ARMH3: variants seen among roughly 807,000 people sequenced by gnomAD.
ARMH3 encodes armadillo like helical domain containing 3.
In ARMH3, 60 loss-of-function variants were observed where a neutral mutation model predicts 99.1. The observed-to-expected ratio is 0.61, with a 90% confidence interval of 0.49 to 0.75. The LOEUF (loss-of-function observed/expected upper bound fraction) is 0.75. ARMH3 is among the 30% of genes least tolerant of loss of function. ARMH3 has a pLI of 0.00. For synonymous variants in ARMH3, 285 were observed against 292.8 expected (o/e 0.97, Z 0.27); for missense variants, 679 against 843.1 (o/e 0.81, Z 2.41).
At chr10:102,007,159 C>CAAATAAAA (rs753099368) in intron 13 of ARMH3, among the ~76,000 whole-genome samples, 1 of 60,054 alleles carries the variant, frequency 1.7e-5, no homozygotes, top group African/African-American at 7.1e-5. Flanking sequence ...GACTCTATCT[C>CAAATAAAA]AAAAAAAAAA....
chr10:102,002,145 T>G, intron 14 of ARMH3, 73 bp from the exon 15 acceptor site: 1 of 1,577,966 alleles, frequency 6.3e-7, no homozygotes, highest in Non-Finnish European at 8.6e-7. Flanking sequence ...CATAGCCAAT[T>G]TGCCAGCAGG....
At chr10:101,892,519 G>A (rs1321008305) in intron 23 of ARMH3, among the ~76,000 whole-genome samples, 1 of 152,030 alleles carries the variant, frequency 6.6e-6, no homozygotes, top group Non-Finnish European at 1.5e-5. Context: ...GTATGTATGA[G>A]CTAGCATAAC....
intron 23 of ARMH3, among the ~76,000 whole-genome samples, chr10:101,898,388 A>C (rs2067893402): frequency 6.6e-6 from 1 of 152,088 alleles, no homozygotes; most frequent in African/African-American, 2.4e-5. Flanking sequence ...GAAGAAAAAG[A>C]AAATGTGGAT....
intron 14 of ARMH3, among the ~76,000 whole-genome samples, chr10:102,005,268 A>G (rs771653489): frequency 1.3e-5 from 2 of 151,850 alleles, no homozygotes. Context: ...CTGTAATCTC[A>G]GCTACTCAGA....
At chr10:101,933,301 T>C (rs1843805252) in intron 23 of ARMH3, among the ~76,000 whole-genome samples, 1 of 152,150 alleles carries the variant, frequency 6.6e-6, no homozygotes, top group Non-Finnish European at 1.5e-5. Context: ...AGGATAAGTT[T>C]AGGAGGGGGT....
chr10:101,871,601 T>C (rs1042222306), intron 24 of ARMH3, among the ~76,000 whole-genome samples: 9 of 152,142 alleles, frequency 5.9e-5, no homozygotes, highest in Admixed American at 3.9e-4. Context: ...CATAACTGAA[T>C]ATTTGGCGGG....
intron 8 of ARMH3, among the ~76,000 whole-genome samples, chr10:102,019,694 G>A (rs540708846): frequency 2.0e-5 from 3 of 152,042 alleles, no homozygotes; most frequent in South Asian, 2.1e-4. Flanking sequence ...TTGGGAGGCC[G>A]AGGCGGGCGG....
At chr10:101,900,029 T>A (rs1051563759) in intron 23 of ARMH3, among the ~76,000 whole-genome samples, 2 of 152,312 alleles carry the variant, frequency 1.3e-5, no homozygotes, top group Non-Finnish European at 1.5e-5. Context: ...ATAAAAGGCA[T>A]CATCACTTAA....
At chr10:102,024,818 CAAA>C (rs200581743) in intron 6 of ARMH3, among the ~76,000 whole-genome samples, 2 of 101,294 alleles carry the variant, frequency 2.0e-5, no homozygotes, top group Admixed American at 1.1e-4. Flanking sequence ...GACTCTGTCT[CAAA>C]AAAAAAAAAA....
intron 20 of ARMH3, among the ~76,000 whole-genome samples, chr10:101,967,609 C>T (rs748237053): frequency 4.6e-5 from 7 of 152,034 alleles, no homozygotes; most frequent in Middle Eastern, 3.2e-3. Context: ...TGGTGGTGTG[C>T]GCCTGTATTC....
At chr10:101,899,940 A>G (rs919387178) in intron 23 of ARMH3, among the ~76,000 whole-genome samples, 8 of 152,176 alleles carry the variant, frequency 5.3e-5, no homozygotes, top group African/African-American at 1.9e-4. Context: ...ACTTTACCCA[A>G]TGATCCAATG....
chr10:101,906,329 T>G (rs1842635467), intron 23 of ARMH3, among the ~76,000 whole-genome samples: 1 of 152,230 alleles, frequency 6.6e-6, no homozygotes, highest in Non-Finnish European at 1.5e-5. Context: ...TATTAGCTGT[T>G]GCCAAACTGC....
intron 14 of ARMH3, among the ~76,000 whole-genome samples, chr10:102,005,884 C>T (rs2066472885): frequency 6.6e-6 from 1 of 152,190 alleles, no homozygotes; most frequent in Non-Finnish European, 1.5e-5. Context: ...AATTATAATA[C>T]ACTCAAAGCC....
chr10:102,009,339 G>C (rs777509225), intron 13 of ARMH3, 35 bp downstream of exon 13: 30 of 1,567,386 alleles, frequency 1.9e-5, no homozygotes, highest in Non-Finnish European at 2.6e-5. Context: ...GAAATTTAGA[G>C]AGAAAAAAAC....
At chr10:101,942,193 G>A (rs1041376331) in intron 22 of ARMH3, among the ~76,000 whole-genome samples, 1 of 152,068 alleles carries the variant, frequency 6.6e-6, no homozygotes, top group East Asian at 1.9e-4. Context: ...CATTTATGTA[G>A]TAAATTATAG....
At chr10:101,854,496 G>A (rs1017722024) in intron 24 of ARMH3, among the ~76,000 whole-genome samples, 4 of 152,054 alleles carry the variant, frequency 2.6e-5, no homozygotes, top group African/African-American at 9.7e-5. Context: ...ACAACTTCTG[G>A]GTTCAAGTGG....
chr10:101,991,990 G>A lies in ARMH3; in HGVS notation c.1324C>T (p.Pro442Ser), dbSNP rs775855386. ...TCACCCAGTACTGCACATACTAAAG[G>A]ACGGCAGGGAAGATTCTTGTCTGCT... ...KAADKNLPCR[P>S]LVCAVLDLMV... The change falls in exon 18 of 26, where the codon CCT becomes TCT. Residue 442 changes from proline to serine, a missense_variant. Around this residue, in one of 3 missense-constraint regions of ARMH3, gnomAD observed 389 missense variants for 456.5 expected, o/e 0.85. Transcript: ENST00000370033. 2.5e-6 allele frequency: 4 copies of A among 1,614,044 alleles called. No individual in the cohort carries two copies. The highest frequency in any genetic ancestry group is 3.4e-6 in the Non-Finnish European group (4 of 1,179,986).
intron 2 of ARMH3, among the ~76,000 whole-genome samples, chr10:102,034,705 A>G (rs1442907404): frequency 6.6e-6 from 1 of 151,968 alleles, no homozygotes; most frequent in Non-Finnish European, 1.5e-5. Flanking sequence ...TAAGTAGGTC[A>G]ATAGCCCACT....
At chr10:101,948,589 G>T (rs191896804) in intron 22 of ARMH3, among the ~76,000 whole-genome samples, 1 of 152,056 alleles carries the variant, frequency 6.6e-6, no homozygotes, top group East Asian at 1.9e-4. Context: ...TAACAGCAGA[G>T]CTACAAAACA....
Sources: gnomAD v4.1 joint callset for allele counts (sites outside exome capture counted in the v4.1 genomes callset) on GRCh38, gnomAD v4.1.1 for gene constraint, gnomAD v4.1.1 regional missense constraint, MANE v1.5 for transcripts, NCBI Gene and HGNC (gene_info 2026-07-23, HGNC 2026-07-21) for gene names.